FGF13: variants seen among roughly 807,000 people sequenced by gnomAD.
FGF13 encodes the protein fibroblast growth factor homologous factor 2.
In FGF13, 2 loss-of-function variants were observed where a neutral mutation model predicts 19.5. That is an observed-to-expected ratio of 0.10 (90% CI 0.04 to 0.32). The LOEUF is 0.32. Among genes scored for constraint, FGF13 ranks in the 10% least tolerant of loss-of-function variants. The pLI is 1.00. For missense variants in FGF13, 113 were observed against 192.7 expected (o/e 0.59, Z 2.45); for synonymous variants, 72 against 76.9 (o/e 0.94, Z 0.33).
At chrX:138,950,322 C>A (rs2091804307) in intron 1 of FGF13, among the ~76,000 whole-genome samples, 1 of 112,224 alleles carries the variant, frequency 8.9e-6, no homozygotes, top group Non-Finnish European at 1.9e-5. Flanking sequence ...AATTGGATAT[C>A]TCACTTTAGT....
chrX:138,999,884 A>G (rs2092064099), intron 1 of FGF13, among the ~76,000 whole-genome samples: 1 of 111,979 alleles, frequency 8.9e-6, no homozygotes, highest in Non-Finnish European at 1.9e-5. Flanking sequence ...ACACAACAAA[A>G]AAAGAAAATT....
chrX:138,977,925 T>G (rs2091946324), intron 1 of FGF13, among the ~76,000 whole-genome samples: 1 of 112,420 alleles, frequency 8.9e-6, no homozygotes, highest in Admixed American at 9.4e-5. Context: ...CATATAAATT[T>G]AACTGTACAT....
At chrX:139,105,618 T>C (rs1355854328) in intron 1 of FGF13, among the ~76,000 whole-genome samples, 1 of 111,891 alleles carries the variant, frequency 8.9e-6, no homozygotes, top group African/African-American at 3.2e-5. Context: ...TCCAATAAGA[T>C]GGGGCATATA....
chrX:139,077,581 G>A (rs1399935096), intron 1 of FGF13, among the ~76,000 whole-genome samples: 1 of 111,163 alleles, frequency 9.0e-6, no homozygotes, highest in African/African-American at 3.3e-5. Flanking sequence ...CTTTTATGAG[G>A]TGGCACCATA....
At chrX:138,891,965 T>C (rs901678490) in intron 1 of FGF13, among the ~76,000 whole-genome samples, 7 of 103,840 alleles carry the variant, frequency 6.7e-5, no homozygotes, top group Admixed American at 6.6e-4. Flanking sequence ...AGTTAATACT[T>C]AAACTCCAAT....
chrX:139,118,114 T>G (rs2083652062), intron 1 of FGF13, among the ~76,000 whole-genome samples: 1 of 111,279 alleles, frequency 9.0e-6, no homozygotes, highest in African/African-American at 3.3e-5. Flanking sequence ...CATATGGCAG[T>G]TTAAATGATG....
At chrX:139,157,011 G>T (rs377277026) in intron 1 of FGF13, among the ~76,000 whole-genome samples, 33 of 111,485 alleles carry the variant, frequency 3.0e-4, no homozygotes, top group African/African-American at 1.1e-3. Context: ...CCATTAGAAG[G>T]GCAAACTGCC....
At chrX:139,068,383 C>T (rs1281882052) in intron 1 of FGF13, among the ~76,000 whole-genome samples, 1 of 101,436 alleles carries the variant, frequency 9.9e-6, no homozygotes, top group African/African-American at 3.9e-5. Flanking sequence ...GTTTTGGTTA[C>T]TGTAGCCTTG....
intron 1 of FGF13, among the ~76,000 whole-genome samples, chrX:139,181,706 G>A (rs1482923274): frequency 8.9e-6 from 1 of 112,355 alleles, no homozygotes; most frequent in Non-Finnish European, 1.9e-5. Context: ...GTGAGGGAGA[G>A]ACCCATAAAC....
At chrX:139,091,133 C>A (rs1341711246) in intron 1 of FGF13, among the ~76,000 whole-genome samples, 3 of 110,294 alleles carry the variant, frequency 2.7e-5, no homozygotes, top group African/African-American at 9.9e-5. Flanking sequence ...TGCAGAGGAA[C>A]AATTTGGGAT....
chrX:138,980,364 A>T (rs184552712), intron 1 of FGF13, among the ~76,000 whole-genome samples: 2 of 111,857 alleles, frequency 1.8e-5, no homozygotes, highest in Non-Finnish European at 3.8e-5. Context: ...AACATGTAGC[A>T]TCCTACCTTT....
intron 1 of FGF13, among the ~76,000 whole-genome samples, chrX:139,009,206 T>C (rs1239545543): frequency 9.0e-6 from 1 of 111,661 alleles, no homozygotes; most frequent in African/African-American, 3.3e-5. Context: ...AGAAGAGAAA[T>C]CTCACAGTTT....
intron 1 of FGF13, among the ~76,000 whole-genome samples, chrX:138,988,632 T>G (rs1320511337): frequency 8.9e-6 from 1 of 112,442 alleles, no homozygotes; most frequent in Non-Finnish European, 1.9e-5. Context: ...GATTGCAACA[T>G]GTGCATCACA....
chrX:139,057,684 A>G lies in FGF13; in HGVS notation c.-113+145732T>C, dbSNP rs141530989. The stretch of plus-strand genomic sequence containing the variant: ...TACAAATATTTTGGTATATCCATAC[A>G]ATGAAATATTATTTGGCAGTAAGAA... On this transcript the variant is annotated intron_variant, in intron 1 of 2. Coordinates refer to the FGF13 transcript ENST00000421460. Among the ~76,000 whole-genome samples, 44 of 112,331 alleles carry G rather than the reference A, an allele frequency of 3.9e-4. 1 individual carries two copies. The East Asian group carries it at 0.011, about 27-fold the overall frequency.
At chrX:139,088,395 G>T (rs938852659) in intron 1 of FGF13, among the ~76,000 whole-genome samples, 1 of 111,255 alleles carries the variant, frequency 9.0e-6, no homozygotes, top group Non-Finnish European at 1.9e-5. Context: ...AATTCTATTT[G>T]TTAACATATC....
chrX:139,039,078 C>T (rs2092260267), intron 1 of FGF13, among the ~76,000 whole-genome samples: 1 of 112,133 alleles, frequency 8.9e-6, no homozygotes, highest in African/African-American at 3.2e-5. Context: ...TGAAACCAAG[C>T]CTTCTTTACT....
intron 1 of FGF13, among the ~76,000 whole-genome samples, chrX:138,732,452 C>A (rs2090239682): frequency 9.0e-6 from 1 of 111,501 alleles, no homozygotes; most frequent in African/African-American, 3.3e-5. Context: ...GTGAATTTCA[C>A]AAACAGTATT....
At chrX:138,644,442 TA>T (rs2124115166) in intron 3 of FGF13, among the ~76,000 whole-genome samples, 1 of 110,695 alleles carries the variant, frequency 9.0e-6, no homozygotes, top group Non-Finnish European at 1.9e-5. Context: ...CACACCTGGC[TA>T]ATTTTTGTAT....
intron 3 of FGF13, among the ~76,000 whole-genome samples, chrX:138,779,255 C>T (rs1217186171): frequency 5.1e-4 from 56 of 110,273 alleles, no homozygotes; most frequent in Admixed American, 2.3e-3. Flanking sequence ...AAAAGCAGAG[C>T]ACCTCTCCTC....
Sources: allele counts gnomAD v4.1 joint callset (sites outside exome capture counted in the v4.1 genomes callset), GRCh38; gene constraint gnomAD v4.1.1; transcripts MANE v1.5; gene names NCBI Gene and HGNC (gene_info 2026-07-23, HGNC 2026-07-21).